MAGI1: variants seen among roughly 807,000 people sequenced by gnomAD.
MAGI1 encodes the protein membrane-associated guanylate kinase, WW and PDZ domain-containing protein 1.
In MAGI1, 58 loss-of-function variants were observed where a neutral mutation model predicts 139.9. That is an observed-to-expected ratio of 0.41 (90% CI 0.34 to 0.52). MAGI1 has a LOEUF of 0.52. Among genes scored for constraint, MAGI1 ranks in the 20% least tolerant of loss-of-function variants. MAGI1 has a pLI of 0.12. For missense variants in MAGI1, 1,874 were observed against 1,901.6 expected, an observed-to-expected ratio of 0.99 and a Z score of 0.27; for synonymous variants, 812 against 737.9, an observed-to-expected ratio of 1.10 and a Z score of -1.63.
intron 4 of MAGI1, 39 bp from the exon 5 acceptor site, chr3:65,470,523 G>GAAAAAAA: frequency 1.1e-6 from 1 of 933,362 alleles, no homozygotes; most frequent in Non-Finnish European, 1.6e-6. Context: ...GAGAGAGAGA[G>GAAAAAAA]AAAAAAAAAA....
chr3:65,772,592 C>G (rs1241121198), intron 1 of MAGI1, among the ~76,000 whole-genome samples: 2 of 152,174 alleles, frequency 1.3e-5, no homozygotes, highest in African/African-American at 4.8e-5. Flanking sequence ...CAGGAGCTGC[C>G]ACATGGAGAA....
intron 2 of MAGI1, among the ~76,000 whole-genome samples, chr3:65,587,548 A>G (rs1189919970): frequency 6.9e-6 from 1 of 145,130 alleles, no homozygotes; most frequent in African/African-American, 2.6e-5. Flanking sequence ...CACTGGTGCA[A>G]TCTCAGCTCA....
chr3:65,799,694 T>C (rs966762978), intron 1 of MAGI1, among the ~76,000 whole-genome samples: 3 of 152,190 alleles, frequency 2.0e-5, no homozygotes, highest in African/African-American at 7.2e-5. Context: ...GGACTACACA[T>C]AATAAAAGAG....
At chr3:65,869,373 G>T (rs867552763) in intron 1 of MAGI1, among the ~76,000 whole-genome samples, 2 of 99,196 alleles carry the variant, frequency 2.0e-5, no homozygotes, top group African/African-American at 4.8e-5. Flanking sequence ...GTTTTTTGTT[G>T]TTGTTGTTGT....
intron 1 of MAGI1, among the ~76,000 whole-genome samples, chr3:65,824,898 T>C (rs1413871055): frequency 6.6e-6 from 1 of 152,216 alleles, no homozygotes; most frequent in African/African-American, 2.4e-5. Flanking sequence ...TGTGGGAATA[T>C]TTTAAAATGT....
intron 1 of MAGI1, among the ~76,000 whole-genome samples, chr3:65,715,302 C>T (rs1272715261): frequency 6.6e-6 from 1 of 152,160 alleles, no homozygotes; most frequent in Non-Finnish European, 1.5e-5. Context: ...AGGTCATAAA[C>T]ATTTTCTTGG....
chr3:65,517,367 C>G (rs2077954578), intron 2 of MAGI1, among the ~76,000 whole-genome samples: 1 of 152,160 alleles, frequency 6.6e-6, no homozygotes. Context: ...TCCTCCCACC[C>G]TTGAACTACC....
intron 2 of MAGI1, among the ~76,000 whole-genome samples, chr3:65,508,745 T>C (rs1368116598): frequency 6.6e-6 from 1 of 152,130 alleles, no homozygotes; most frequent in African/African-American, 2.4e-5. Context: ...ACCTTTGTTG[T>C]GACATATAAA....
intron 2 of MAGI1, among the ~76,000 whole-genome samples, chr3:65,568,442 G>A (rs1221621336): frequency 1.3e-5 from 2 of 152,122 alleles, no homozygotes; most frequent in African/African-American, 4.8e-5. Flanking sequence ...ACATAATAGT[G>A]TCAACTTGGT....
intron 3 of MAGI1, among the ~76,000 whole-genome samples, chr3:65,488,565 T>C (rs926291036): frequency 6.6e-6 from 1 of 152,040 alleles, no homozygotes; most frequent in African/African-American, 2.4e-5. Context: ...TGTGTCGAAT[T>C]CCTGACCTAA....
chr3:65,597,761 G>A (rs1478597083), intron 2 of MAGI1: 1 of 456,602 alleles, frequency 2.2e-6, no homozygotes, highest in Admixed American at 2.3e-5. Flanking sequence ...TCCAGAGGTG[G>A]GCAGGGGGCG....
chr3:65,356,695 A>T lies in MAGI1; in HGVS notation c.4072T>A (p.Ser1358Thr), dbSNP rs1443454895. 6.3e-7 allele frequency: 1 copy of T among 1,591,998 alleles called. No individual in the cohort carries two copies. Residue 1358 changes from serine (S) to threonine (T), a missense_variant, in exon 23 of 23, where the codon TCA becomes ACA. By Grantham distance (58) the Ser-to-Thr change is moderately conservative. This residue lies in a region of MAGI1 where 653 missense variants were observed against 644.5 expected (regional missense o/e 1.01). Transcript: ENST00000402939. ...GAGCCGTCTCTCCTGCGGGTGGGTG[A>T]CCGCTCTCGCCTCCGCTCCGGAGAG... is the stretch of plus-strand genomic sequence containing the variant. ...DVSPERRRERSPTRRRDGSPS... is the reference protein window; with the variant it reads ...DVSPERRRERTPTRRRDGSPS...
intron 1 of MAGI1, among the ~76,000 whole-genome samples, chr3:65,980,892 C>T (rs2065538210): frequency 6.6e-6 from 1 of 152,140 alleles, no homozygotes; most frequent in Non-Finnish European, 1.5e-5. Context: ...GGTGCAGTGG[C>T]TCATGCCTGT....
intron 2 of MAGI1, among the ~76,000 whole-genome samples, chr3:65,615,855 T>C (rs774677216): frequency 1.3e-5 from 2 of 152,196 alleles, no homozygotes; most frequent in South Asian, 2.1e-4. Context: ...ACCTTATACA[T>C]GGTGAAATAG....
At chr3:65,544,906 T>G (rs2079425654) in intron 2 of MAGI1, among the ~76,000 whole-genome samples, 1 of 152,248 alleles carries the variant, frequency 6.6e-6, no homozygotes, top group African/African-American at 2.4e-5. Context: ...GTGAGTGTGA[T>G]TTATAAATAT....
At chr3:65,573,450 T>C (rs1249795337) in intron 2 of MAGI1, among the ~76,000 whole-genome samples, 1 of 152,014 alleles carries the variant, frequency 6.6e-6, no homozygotes, top group Non-Finnish European at 1.5e-5. Flanking sequence ...ATAAATTATA[T>C]ATCACACTAA....
chr3:65,544,063 G>C (rs55939796), intron 2 of MAGI1, among the ~76,000 whole-genome samples: 5,407 of 152,130 alleles, frequency 0.036, 131 homozygotes, highest in Admixed American at 0.069. Context: ...AGTAGACATA[G>C]AAGCAGATAT....
At chr3:65,745,225 G>A (rs865881830) in intron 1 of MAGI1, among the ~76,000 whole-genome samples, 3 of 152,090 alleles carry the variant, frequency 2.0e-5, no homozygotes, top group South Asian at 2.1e-4. Flanking sequence ...GTAAGCTACA[G>A]AGAAACAGAA....
At chr3:65,788,397 A>G (rs2039536117) in intron 1 of MAGI1, among the ~76,000 whole-genome samples, 1 of 152,232 alleles carries the variant, frequency 6.6e-6, no homozygotes, top group African/African-American at 2.4e-5. Flanking sequence ...TTGCCACCAT[A>G]ACAGCTGCTT....
Sources: allele counts gnomAD v4.1 joint callset (sites outside exome capture counted in the v4.1 genomes callset), GRCh38; gene constraint gnomAD v4.1.1; regional missense constraint gnomAD v4.1.1; transcripts MANE v1.5; gene names NCBI Gene and HGNC (gene_info 2026-07-23, HGNC 2026-07-21).